PRH1: variants seen among roughly 807,000 people sequenced by gnomAD.
The protein encoded by PRH1 is proline rich protein HaeIII subfamily 1, also known as salivary acidic proline-rich phosphoprotein 1/2.
In PRH1, 7 loss-of-function variants were observed where a neutral mutation model predicts 7.9. The ratio of observed to expected loss-of-function variants is 0.89; its 90% confidence interval spans 0.50 to 1.67. The LOEUF (loss-of-function observed/expected upper bound fraction) is 1.67, where lower values mean the gene tolerates loss of function less well. PRH1 is among the 40% of genes most tolerant of loss of function. The pLI, the probability that PRH1 is intolerant of heterozygous loss-of-function variation, is 0.00. For missense variants in PRH1, 109 were observed against 223.6 expected (o/e 0.49, Z 3.27); for synonymous variants, 45 against 80.8 (o/e 0.56, Z 2.38).
intron 1 of PRH1, among the ~76,000 whole-genome samples, chr12:11,074,127 C>A (rs1349054419): frequency 6.7e-6 from 1 of 148,774 alleles, no homozygotes; most frequent in Non-Finnish European, 1.5e-5. Context: ...TGATCCAGAT[C>A]ACCTTTCCAT....
At chr12:11,046,012 A>G (rs1353583822) in intron 1 of PRH1, among the ~76,000 whole-genome samples, 1 of 152,198 alleles carries the variant, frequency 6.6e-6, no homozygotes, top group Non-Finnish European at 1.5e-5. Flanking sequence ...GTATATGACT[A>G]TAGAAAGTTG....
At chr12:11,066,936 G>A (rs1416669173) in intron 1 of PRH1, among the ~76,000 whole-genome samples, 2 of 152,000 alleles carry the variant, frequency 1.3e-5, no homozygotes, top group East Asian at 3.8e-4. Context: ...CAATAATTAG[G>A]ATTCTATTTT....
chr12:10,970,142 C>T (rs1384055124), intron 2 of PRH1, among the ~76,000 whole-genome samples: 2 of 152,190 alleles, frequency 1.3e-5, no homozygotes, highest in Non-Finnish European at 2.9e-5. Flanking sequence ...CAGCACTACA[C>T]ATACAAAAAC....
chr12:11,138,841 C>T (rs1412736662), intron 1 of PRH1, among the ~76,000 whole-genome samples: 1 of 152,028 alleles, frequency 6.6e-6, no homozygotes, highest in Non-Finnish European at 1.5e-5. Flanking sequence ...GAGTTCAAGA[C>T]CAGCTTGGGC....
intron 1 of PRH1, among the ~76,000 whole-genome samples, chr12:11,098,518 A>G (rs559865938): frequency 1.4e-4 from 22 of 152,210 alleles, no homozygotes; most frequent in African/African-American, 5.1e-4. Flanking sequence ...AGAGTTTGCA[A>G]TTTTTCTTTG....
At chr12:11,021,992 A>G in intron 1 of PRH1, 1 of 1,594,272 alleles carries the variant, frequency 6.3e-7, no homozygotes, top group Non-Finnish European at 8.5e-7. Context: ...AGCAGAAAAC[A>G]TATTAGGCTC....
intron 1 of PRH1, among the ~76,000 whole-genome samples, chr12:11,054,673 T>A (rs201556431): frequency 3.4e-5 from 1 of 29,190 alleles, no homozygotes; most frequent in Non-Finnish European, 1.2e-4. Flanking sequence ...AATATCTATA[T>A]TACTATAATT....
chr12:11,033,835 C>T (rs1024502569), intron 1 of PRH1, among the ~76,000 whole-genome samples: 4 of 151,886 alleles, frequency 2.6e-5, no homozygotes, highest in African/African-American at 9.7e-5. Flanking sequence ...AGTTATAATG[C>T]GCACTTAGAA....
intron 1 of PRH1, among the ~76,000 whole-genome samples, chr12:11,057,005 C>CTT (rs66633867): frequency 1.4e-5 from 2 of 146,066 alleles, no homozygotes; most frequent in Non-Finnish European, 1.5e-5. Context: ...AGAACTTTCA[C>CTT]TTTTTTTTTT....
At chr12:10,973,492 C>T in intron 2 of PRH1, 1 of 500,616 alleles carries the variant, frequency 2.0e-6, no homozygotes, top group Admixed American at 3.6e-5. Context: ...GGATAGCCAT[C>T]TGTAAAACGC....
At chr12:11,147,536 A>C (rs1261865715) in intron 1 of PRH1, among the ~76,000 whole-genome samples, 1 of 152,174 alleles carries the variant, frequency 6.6e-6, no homozygotes, top group Non-Finnish European at 1.5e-5. Context: ...GGCAATAGAT[A>C]CACTGTTTTT....
At chr12:11,124,317 T>A (rs940123847) in intron 1 of PRH1, among the ~76,000 whole-genome samples, 4 of 152,292 alleles carry the variant, frequency 2.6e-5, no homozygotes, top group African/African-American at 4.8e-5. Context: ...TTGAACTCCA[T>A]CATTACCTAC....
intron 1 of PRH1, among the ~76,000 whole-genome samples, chr12:11,080,057 A>G (rs1944450034): frequency 8.2e-6 from 1 of 121,370 alleles, no homozygotes. Context: ...GCCTAGGTTT[A>G]CCTCAATGCC....
At chr12:10,978,755 T>A (rs1939219167) in intron 1 of PRH1, among the ~76,000 whole-genome samples, 1 of 150,982 alleles carries the variant, frequency 6.6e-6, no homozygotes, top group South Asian at 2.1e-4. Flanking sequence ...TAAAAATGAA[T>A]AAAAGGCATA....
At chr12:11,018,362 G>A (rs1418123152) in intron 1 of PRH1, among the ~76,000 whole-genome samples, 1 of 152,206 alleles carries the variant, frequency 6.6e-6, no homozygotes, top group Non-Finnish European at 1.5e-5. Context: ...ACAGTTGGAG[G>A]GCATGAGCAC....
intron 1 of PRH1, among the ~76,000 whole-genome samples, chr12:11,114,504 T>G (rs1037389106): frequency 6.6e-6 from 1 of 151,954 alleles, no homozygotes; most frequent in African/African-American, 2.4e-5. Flanking sequence ...CAACTGGGCC[T>G]TTTAGGGTGA....
chr12:11,081,449 T>G lies in PRH1; in HGVS notation n.124-34261A>C, dbSNP rs1385649286. Among the ~76,000 whole-genome samples, 4 of 115,944 alleles carry G rather than the reference T, an allele frequency of 3.4e-5. 1 individual carries two copies. The East Asian group carries it at 8.4e-4, about 24-fold the overall frequency. 76.1% of individuals were successfully genotyped at this position (115,944 alleles called of 152,430 possible). ...GGGTTTTTGGCTTTTTGTTTTAGTA[T>G]GTTAGAAAAGAAAATGGTAGTGGTT... On this transcript the variant is annotated intron_variant and non_coding_transcript_variant, in intron 1 of 4. Transcript: ENST00000541977.
At chr12:11,163,910 TA>T (rs984358111) in intron 1 of PRH1, among the ~76,000 whole-genome samples, 5 of 152,034 alleles carry the variant, frequency 3.3e-5, no homozygotes, top group African/African-American at 1.2e-4. Context: ...AATTCCCCCT[TA>T]AAAAAAGACA....
intron 1 of PRH1, among the ~76,000 whole-genome samples, chr12:11,073,773 G>A (rs1346243783): frequency 2.6e-5 from 4 of 152,280 alleles, no homozygotes; most frequent in Admixed American, 2.0e-4. Context: ...GCTGCTAGAG[G>A]CATGCATCGT....
Sources: allele counts gnomAD v4.1 joint callset (sites outside exome capture counted in the v4.1 genomes callset), GRCh38; gene constraint gnomAD v4.1.1; transcripts MANE v1.5; gene names NCBI Gene and HGNC (gene_info 2026-07-23, HGNC 2026-07-21).